Variants in C1orf167 observed in about 807,000 individuals in gnomAD.
C1orf167 encodes the protein uncharacterized protein C1orf167.
A neutral mutation model predicts 176.5 loss-of-function variants in C1orf167; 153 were observed. The observed-to-expected ratio is 0.87, with a 90% CI of 0.76 to 0.99. The LOEUF is 0.99. Among genes scored for constraint, C1orf167 ranks in the 50% least tolerant of loss-of-function variants. The pLI, the probability that C1orf167 is intolerant of heterozygous loss-of-function variation, is 0.00. For missense variants in C1orf167, 1,490 were observed against 1,817.7 expected, an observed-to-expected ratio of 0.82 and a Z score of 3.28; for synonymous variants, 594 against 752.7, an observed-to-expected ratio of 0.79 and a Z score of 3.45.
intron 6 of C1orf167, among the ~76,000 whole-genome samples, chr1:11,770,998 GTGTA>G (rs1255043880): frequency 0.028 from 644 of 23,246 alleles, 14 homozygotes; most frequent in East Asian, 0.059. Context: ...GTGTGTGTGT[GTGTA>G]TATATCACCT....
At chr1:11,778,841 G>C (rs1378999456) in intron 11 of C1orf167, 25 bp downstream of exon 11, 1 of 1,294,838 alleles carries the variant, frequency 7.7e-7, no homozygotes, top group Admixed American at 2.3e-5. Context: ...GGTGGGGAGG[G>C]GCTGGGGCAG....
In C1orf167 at chr1:11,766,030, C is replaced by T. The variant is rs977961631; in HGVS notation, c.244C>T (p.Leu82=). ...QTNLASPGPR[L]GLALKDTTGQ... ...CAACCTGGCCAGCCCTGGTCCCCGC[C>T]TGGGCCTAGCTCTGAAGGACACGAC... The change falls in exon 3 of 21, where the codon CTG becomes TTG. Residue 82 remains leucine, a synonymous_variant. Coordinates refer to ENST00000688073, the MANE Select transcript of C1orf167 (RefSeq NM_001010881.2). The surrounding 1 kb of genome is among the most constrained non-coding windows in gnomAD (Gnocchi z 4.5). 63 of 1,289,840 alleles carry T rather than the reference C, an allele frequency of 4.9e-5. 1 individual carries two copies. The highest frequency in any genetic ancestry group is 6.0e-5 in the Non-Finnish European group (59 of 988,846). 79.9% of individuals were successfully genotyped at this position (1,289,840 alleles called of 1,614,324 possible). A position where few individuals can be genotyped will look rare whatever the true frequency, so the allele number is the denominator to read the frequency against.
rs1643324450 is a variant in C1orf167, at chr1:11,776,533, A to T, written c.2234A>T (p.Gln745Leu). 7.7e-7 allele frequency: 1 copy of T among 1,294,536 alleles called. No individual in the cohort carries two copies. The highest frequency in any genetic ancestry group is 1.5e-5 in the African/African-American group (1 of 65,260). The allele number at this position is 1,294,536 out of a possible 1,614,324, so 80.2% of individuals were successfully genotyped here. Residue 745 changes from glutamine (Q) to leucine (L), a missense_variant, in exon 10 of 21, where the codon CAG (glutamine) becomes CTG (leucine). Physicochemically the swap from Gln to Leu is moderately radical, Grantham distance 113. Coordinates refer to ENST00000688073, the MANE Select transcript of C1orf167 (RefSeq NM_001010881.2). ...GGTGCAGTGGGCCAGGCCCAGGGGC[A>T]GCAGGAGCAAGGCCGGGGCTCCCTG... ...GLGAVGQAQGQQEQGRGSLQD... is the reference protein window; with the variant it reads ...GLGAVGQAQGLQEQGRGSLQD...
rs1643514697 is a variant in C1orf167, at chr1:11,779,940, G to C, written c.2790G>C (p.Glu930Asp). The change falls in exon 13 of 21, where the codon GAG becomes GAC. Residue 930 changes from glutamate (E) to aspartate (D), a missense_variant. Glu to Asp is a conservative substitution (Grantham distance 45, BLOSUM62 2). Transcript: ENST00000688073. ...GGCTGCTGCAGTCACGGCTGGTGGA[G>C]TGGTGGGCCCAGGAGCGGGGCTGGC... The part of the protein sequence containing the change: ...RQRLLQSRLV[E>D]WWAQERGWRL... 2 of 1,301,676 alleles carry C rather than the reference G, an allele frequency of 1.5e-6. No homozygotes were observed. The highest frequency in any genetic ancestry group is 1.0e-6 in the Non-Finnish European group (1 of 988,094). 80.6% of individuals were successfully genotyped at this position (1,301,676 alleles called of 1,614,324 possible). A position where few individuals can be genotyped will look rare whatever the true frequency, so the allele number is the denominator to read the frequency against.
At chr1:11,762,511 C>T (rs1269892797) in intron 1 of C1orf167, among the ~76,000 whole-genome samples, 1 of 152,122 alleles carries the variant, frequency 6.6e-6, no homozygotes, top group Non-Finnish European at 1.5e-5. Flanking sequence ...GTGGATTGAG[C>T]GGCCTCAAGT....
chr1:11,789,410 G>C lies in C1orf167; in HGVS notation c.4314G>C (p.Gly1438=). ...QEAARAPRGW[G]LGAEHGAQLQ... ...CCGCCAGAGCACCGCGGGGTTGGGGGCTTGGGGCAGAGCATGGGGCCCAGC... is the reference window on the plus strand; with the variant it reads ...CCGCCAGAGCACCGCGGGGTTGGGGCCTTGGGGCAGAGCATGGGGCCCAGC... The change falls in exon 21 of 21, where the codon GGG becomes GGC. Residue 1438 remains glycine (G), a synonymous_variant. Coordinates refer to ENST00000688073, the MANE Select transcript of C1orf167 (RefSeq NM_001010881.2). 1 of 1,304,006 alleles carries C rather than the reference G, an allele frequency of 7.7e-7. No individual in the cohort carries two copies. Among genetic ancestry groups the C allele is most frequent in the South Asian group, 1.2e-5 (1 of 81,004 alleles). 80.8% of individuals were successfully genotyped at this position (1,304,006 alleles called of 1,614,324 possible). A position where few individuals can be genotyped will look rare whatever the true frequency, so the allele number is the denominator to read the frequency against.
rs991720148 is a variant in C1orf167 at position 11,766,550 on chromosome 1, G to C, written c.764G>C (p.Arg255Thr). Residue 255 changes from arginine (R) to threonine (T), a missense_variant, in exon 3 of 21, where the codon AGG (arginine) becomes ACG (threonine). Arg to Thr is a moderately conservative substitution (Grantham distance 71). Coordinates refer to ENST00000688073, the MANE Select transcript of C1orf167 (RefSeq NM_001010881.2). This position sits in a 1 kb window ranked among gnomAD's most constrained non-coding sequence, Gnocchi z 4.5. The part of the protein sequence containing the change: ...HCLAQEAARL[R>T]CQAPQEPPGA... ...CTGGCGCAGGAGGCAGCCCGACTCA[G>C]GTGCCAGGCTCCCCAGGAACCCCCC... The C allele has an allele frequency of 3.2e-6, 4 of 1,244,992 alleles. No homozygotes were observed. Among genetic ancestry groups the C allele is most frequent in the Non-Finnish European group, 4.1e-6 (4 of 965,790 alleles). 77.1% of individuals were successfully genotyped at this position (1,244,992 alleles called of 1,614,324 possible). A position where few individuals can be genotyped will look rare whatever the true frequency, so the allele number is the denominator to read the frequency against.
At chr1:11,775,376 T>A in intron 8 of C1orf167, 59 bp from the exon 9 acceptor site, 1 of 1,210,866 alleles carries the variant, frequency 8.3e-7, no homozygotes, top group Non-Finnish European at 1.1e-6. Context: ...GGCAGGCAGC[T>A]GGAGCCGCAG....
chr1:11,789,501 C>G lies in C1orf167; in HGVS notation c.*55C>G. 1 of 1,271,718 alleles carries G rather than the reference C, an allele frequency of 7.9e-7. No individual in the cohort carries two copies. The allele number at this position is 1,271,718 out of a possible 1,614,324, so 78.8% of individuals were successfully genotyped here. A position where few individuals can be genotyped will look rare whatever the true frequency, so the allele number is the denominator to read the frequency against. ...GAACTTAGCCTTCCCAGGGAAGGAA[C>G]CATGCCCCACACATCCAGGGAGTGA... is the stretch of plus-strand genomic sequence containing the variant. On this transcript the variant is annotated 3_prime_UTR_variant, in exon 21 of 21. Coordinates refer to ENST00000688073, the MANE Select transcript of C1orf167 (RefSeq NM_001010881.2).
rs1642764428 is a variant in C1orf167 at position 11,765,842 on chromosome 1, C to T, written c.71-15C>T. On this transcript the variant is annotated splice_polypyrimidine_tract_variant and intron_variant, in intron 2 of 20. Coordinates refer to ENST00000688073, the MANE Select transcript of C1orf167 (RefSeq NM_001010881.2). ...TGCCAGCCACCCAAGTCATGACTGTCTCTCCTCTCTTTAGAGCAACGAAGA... is the reference window on the plus strand; with the variant it reads ...TGCCAGCCACCCAAGTCATGACTGTTTCTCCTCTCTTTAGAGCAACGAAGA... 1 of 1,187,586 alleles carries T rather than the reference C, an allele frequency of 8.4e-7. No homozygotes were observed. The highest frequency in any genetic ancestry group is 1.1e-6 in the Non-Finnish European group (1 of 939,192). The allele number at this position is 1,187,586 out of a possible 1,614,324, so 73.6% of individuals were successfully genotyped here. A position where few individuals can be genotyped will look rare whatever the true frequency, so the allele number is the denominator to read the frequency against.
rs146228904 is a variant in C1orf167, at chr1:11,768,490, G to A, written c.1542+215G>A. Among the ~76,000 whole-genome samples, 831 of 152,274 alleles carry A rather than the reference G, an allele frequency of 5.5e-3. 11 individuals carry two copies. Among genetic ancestry groups the A allele is most frequent in the African/African-American group, 0.019 (782 of 41,536 alleles). On this transcript the variant is annotated intron_variant, in intron 5 of 20. Coordinates refer to ENST00000688073, the MANE Select transcript of C1orf167 (RefSeq NM_001010881.2). This position sits in a 1 kb window ranked among gnomAD's most constrained non-coding sequence, Gnocchi z 4.5. ...CCACTTTCTAGCTGCGTGACCTTGG[G>A]CAAGTTACCTAACCTCTCTGTGCCC...
Position 11,784,536 on chromosome 1 carries a change from A to T in C1orf167, c.3368A>T (p.His1123Leu), listed in dbSNP as rs1476260627. Residue 1123 changes from histidine to leucine, a missense_variant, in exon 15 of 21, where the codon CAT becomes CTT. Physicochemically the swap from His to Leu is moderately conservative, Grantham distance 99 (BLOSUM62 -3). Transcript: ENST00000688073. ...CWTWCWALWV[H>L]ESCRGQVSRA... ...ACTTGGTGCTGGGCTCTGTGGGTGC[A>T]TGAGTCCTGTCGGGGCCAGGTCAGC... 1 of 1,297,024 alleles carries T rather than the reference A, an allele frequency of 7.7e-7. No homozygotes were observed. The highest frequency in any genetic ancestry group is 1.0e-6 in the Non-Finnish European group (1 of 985,642). 80.3% of individuals were successfully genotyped at this position (1,297,024 alleles called of 1,614,324 possible).
intron 1 of C1orf167, among the ~76,000 whole-genome samples, chr1:11,762,828 A>G (rs972256544): frequency 6.6e-6 from 1 of 152,234 alleles, no homozygotes; most frequent in South Asian, 2.1e-4. Context: ...AACAAAAAAA[A>G]CCAGCCTGCC....
chr1:11,764,792 C>G (rs540703555), intron 2 of C1orf167, among the ~76,000 whole-genome samples: 1 of 152,224 alleles, frequency 6.6e-6, no homozygotes, highest in East Asian at 1.9e-4. Context: ...TGGTGGCTCA[C>G]GCTTGTAATC....
intron 9 of C1orf167, among the ~76,000 whole-genome samples, chr1:11,776,030 G>A (rs1557732505): frequency 2.0e-5 from 3 of 152,220 alleles, no homozygotes; most frequent in African/African-American, 7.2e-5. Context: ...GCCGAGGAGA[G>A]TGGATCACCT....
In C1orf167 at chr1:11,788,145, C is replaced by A; in HGVS notation, c.3849-4C>A. The A allele has an allele frequency of 7.8e-7, 1 of 1,284,076 alleles. No homozygotes were observed. The highest frequency in any genetic ancestry group is 1.0e-6 in the Non-Finnish European group (1 of 973,448). 79.5% of individuals were successfully genotyped at this position (1,284,076 alleles called of 1,614,324 possible). On this transcript the variant is annotated splice_region_variant and splice_polypyrimidine_tract_variant and intron_variant, in intron 18 of 20. Coordinates refer to ENST00000688073, the MANE Select transcript of C1orf167 (RefSeq NM_001010881.2). Reference sequence around the variant, plus strand: ...ATGGCTACAGCTGGGCCCTCTCTGGCCAGTGCTCGTTCCTGCAGGATCCTG... The same window carrying A: ...ATGGCTACAGCTGGGCCCTCTCTGGACAGTGCTCGTTCCTGCAGGATCCTG...
At position 11,767,269 on chromosome 1, in the gene C1orf167, G is replaced by A; in HGVS notation, c.1343+5G>A. 7.8e-7 allele frequency: 1 copy of A among 1,289,366 alleles called. No homozygotes were observed. The allele number at this position is 1,289,366 out of a possible 1,614,324, so 79.9% of individuals were successfully genotyped here. The stretch of plus-strand genomic sequence containing the variant: ...CCCAGAGTCTGAGGCAATCTGGTGA[G>A]GCCATGGCTGGGTGGGGACAGGGGT... On this transcript the variant is annotated splice_donor_5th_base_variant and intron_variant, in intron 4 of 20. Coordinates refer to ENST00000688073, the MANE Select transcript of C1orf167 (RefSeq NM_001010881.2).
chr1:11,773,183 G>A (rs1469258858), intron 8 of C1orf167, among the ~76,000 whole-genome samples: 1 of 151,570 alleles, frequency 6.6e-6, no homozygotes, highest in East Asian at 2.0e-4. Flanking sequence ...ATGAGCCACC[G>A]CACCCGGCCT....
chr1:11,780,461 C>T (rs1478889842), intron 13 of C1orf167, among the ~76,000 whole-genome samples: 1 of 152,200 alleles, frequency 6.6e-6, no homozygotes, highest in African/African-American at 2.4e-5. Flanking sequence ...CCACAGGGCA[C>T]ACCCAGGAGT....
Sources: gnomAD v4.1 joint callset for allele counts (sites outside exome capture counted in the v4.1 genomes callset) on GRCh38, gnomAD v4.1.1 for gene constraint, Gnocchi (gnomAD v3.1) non-coding constraint, MANE v1.5 for transcripts, NCBI Gene and HGNC (gene_info 2026-07-23, HGNC 2026-07-21) for gene names.